The following RALY variants were observed in gnomAD, a reference collection of about 807,000 sequenced individuals.
RALY encodes RALY heterogeneous nuclear ribonucleoprotein.
Under a neutral mutation model 30.7 loss-of-function variants are expected in RALY, and 15 were observed. The observed-to-expected ratio is 0.49, with a 90% CI of 0.33 to 0.75. The LOEUF is 0.75. Ranked by LOEUF, RALY falls within the 30% of genes least tolerant of loss-of-function variation. RALY has a pLI of 0.02. For synonymous variants in RALY, 177 were observed against 170.8 expected, an observed-to-expected ratio of 1.04 and a Z score of -0.28; for missense variants, 339 against 414.3, an observed-to-expected ratio of 0.82 and a Z score of 1.58.
intron 1 of RALY, among the ~76,000 whole-genome samples, chr20:34,009,347 T>C (rs2031299578): frequency 6.6e-6 from 1 of 152,026 alleles, no homozygotes; most frequent in Non-Finnish European, 1.5e-5. Flanking sequence ...CAAGTAATTC[T>C]CCTGTCTCAG....
intron 1 of RALY, among the ~76,000 whole-genome samples, chr20:34,025,834 A>G (rs1347961980): frequency 2.0e-5 from 3 of 149,872 alleles, no homozygotes; most frequent in Non-Finnish European, 4.4e-5. Context: ...CAGGCTTCCC[A>G]TAATTTTCAC....
chr20:34,006,908 C>T (rs2284380), intron 1 of RALY, among the ~76,000 whole-genome samples: 13,195 of 152,146 alleles, frequency 0.087, 642 homozygotes, highest in African/African-American at 0.13. Context: ...AGTTATCCCC[C>T]CCATTATTTG....
At chr20:34,066,169 C>CTTTTTT (rs200689368) in intron 2 of RALY, among the ~76,000 whole-genome samples, 2 of 126,514 alleles carry the variant, frequency 1.6e-5, no homozygotes, top group African/African-American at 6.2e-5. Context: ...TGCTGATCCT[C>CTTTTTT]TTTTTTTTTT....
chr20:34,054,839 A>G (rs2033192589), intron 2 of RALY, among the ~76,000 whole-genome samples: 1 of 151,826 alleles, frequency 6.6e-6, no homozygotes, highest in African/African-American at 2.4e-5. Context: ...AGAAAGAAAG[A>G]AAGAAATTGG....
chr20:34,067,954 G>T lies in RALY; in HGVS notation c.-9-4112G>T, dbSNP rs75595999. On this transcript the variant is annotated intron_variant, in intron 2 of 9. Transcript: ENST00000246194. ...GTCAGAAGACCCATGGGGTAATCTT[G>T]TCTCTGCTACTCACTAGCTGTAGCA... Among the ~76,000 whole-genome samples, 47 of 151,638 alleles carry T rather than the reference G, an allele frequency of 3.1e-4. No homozygotes were observed. In the East Asian group the frequency reaches 8.6e-3, roughly 28 times the overall value.
At chr20:34,063,750 G>A (rs1464014779) in intron 2 of RALY, among the ~76,000 whole-genome samples, 1 of 152,174 alleles carries the variant, frequency 6.6e-6, no homozygotes, top group Non-Finnish European at 1.5e-5. Context: ...AGAGGAGAAA[G>A]GGATACATTT....
intron 2 of RALY, among the ~76,000 whole-genome samples, chr20:34,045,924 A>T (rs941500736): frequency 6.6e-6 from 1 of 151,888 alleles, no homozygotes; most frequent in African/African-American, 2.4e-5. Context: ...CTGGCTCTTC[A>T]TTTTCTGTGT....
chr20:34,066,056 T>C (rs1568690871), intron 2 of RALY, among the ~76,000 whole-genome samples: 3 of 152,066 alleles, frequency 2.0e-5, no homozygotes, highest in African/African-American at 7.2e-5. Context: ...AAGACAGCCA[T>C]TGAGACAGTG....
At chr20:34,076,634 T>C (rs2033885848) in intron 6 of RALY, 68 bp from the exon 7 acceptor site, 3 of 1,336,714 alleles carry the variant, frequency 2.2e-6, no homozygotes, top group Non-Finnish European at 3.2e-6. Flanking sequence ...AGAACAGGGC[T>C]GAGGTTTTGT....
At chr20:34,063,016 G>C (rs2033460950) in intron 2 of RALY, among the ~76,000 whole-genome samples, 1 of 152,210 alleles carries the variant, frequency 6.6e-6, no homozygotes, top group East Asian at 1.9e-4. Context: ...TACAGGGCAT[G>C]CCCAGTTTTG....
intron 2 of RALY, among the ~76,000 whole-genome samples, chr20:34,042,869 AAG>A (rs1403621598): frequency 1.2e-4 from 18 of 152,236 alleles, no homozygotes; most frequent in Non-Finnish European, 2.9e-5. Context: ...TCCATTTCCC[AAG>A]AGTGTCAGAT....
intron 2 of RALY, among the ~76,000 whole-genome samples, chr20:34,052,570 A>G (rs2033112480): frequency 6.6e-6 from 1 of 152,248 alleles, no homozygotes; most frequent in African/African-American, 2.4e-5. Context: ...TAGAGCATCA[A>G]GCTTTCTGTT....
In RALY at chr20:34,049,829, G is replaced by A. The variant is rs368855835; in HGVS notation, c.-10+18225G>A. Reference sequence around the variant, plus strand: ...AGTTAGGATTATAAATCCAAATCCCGTGCTCTTATTTTGAAAAGTATAAAG... The same window carrying A: ...AGTTAGGATTATAAATCCAAATCCCATGCTCTTATTTTGAAAAGTATAAAG... On this transcript the variant is annotated intron_variant, in intron 2 of 9. Transcript: ENST00000246194. 3.3e-5 allele frequency among the ~76,000 whole-genome samples: 5 copies of A among 152,106 alleles called. No homozygotes were observed. The East Asian group carries it at 7.7e-4, about 23-fold the overall frequency.
intron 2 of RALY, among the ~76,000 whole-genome samples, chr20:34,033,766 C>G (rs2032373243): frequency 1.3e-5 from 2 of 152,192 alleles, no homozygotes; most frequent in Admixed American, 6.5e-5. Context: ...ATAGCAGTAT[C>G]TGTAGCGTCC....
chr20:34,049,740 T>G (rs1354889565), intron 2 of RALY, among the ~76,000 whole-genome samples: 1 of 152,210 alleles, frequency 6.6e-6, no homozygotes, highest in Non-Finnish European at 1.5e-5. Context: ...CCCCACAATG[T>G]ACAGATGAGG....
intron 2 of RALY, among the ~76,000 whole-genome samples, chr20:34,051,115 C>T (rs1206516445): frequency 6.6e-6 from 1 of 152,064 alleles, no homozygotes; most frequent in Non-Finnish European, 1.5e-5. Context: ...TTTCAAATGC[C>T]CCTAATATTC....
intron 2 of RALY, among the ~76,000 whole-genome samples, chr20:34,040,025 C>T (rs1195412067): frequency 6.6e-6 from 1 of 151,920 alleles, no homozygotes; most frequent in African/African-American, 2.4e-5. Flanking sequence ...GCAGGAGAAT[C>T]GCTTGAACCC....
At chr20:33,995,314 T>C (rs2030560067) in intron 1 of RALY, among the ~76,000 whole-genome samples, 1 of 152,228 alleles carries the variant, frequency 6.6e-6, no homozygotes, top group Non-Finnish European at 1.5e-5. Flanking sequence ...TTTGAGACTG[T>C]AAACGGTGGG....
intron 2 of RALY, among the ~76,000 whole-genome samples, chr20:34,049,389 G>T (rs1001366158): frequency 2.0e-5 from 3 of 152,046 alleles, no homozygotes; most frequent in Non-Finnish European, 4.4e-5. Flanking sequence ...TGGGCACTGG[G>T]GTACAAAAAT....
Sources: gnomAD v4.1 joint callset for allele counts (sites outside exome capture counted in the v4.1 genomes callset) on GRCh38, gnomAD v4.1.1 for gene constraint, MANE v1.5 for transcripts, NCBI Gene and HGNC (gene_info 2026-07-23, HGNC 2026-07-21) for gene names.